Variants in GFRA2 observed in about 807,000 individuals in gnomAD.
The protein encoded by GFRA2 is GDNF family receptor alpha 2, also known as GDNF family receptor alpha-2.
Under a neutral mutation model 48.3 loss-of-function variants are expected in GFRA2, and 17 were observed. The observed-to-expected ratio is 0.35, with a 90% confidence interval of 0.24 to 0.53. GFRA2 has a LOEUF of 0.53. Ranked by LOEUF, GFRA2 falls within the 20% of genes least tolerant of loss-of-function variation. The probability of loss-of-function intolerance (pLI) is 0.93; values close to 1 mark genes in which losing one functional copy is unlikely to be tolerated. For synonymous variants in GFRA2, 305 were observed against 257.2 expected (o/e 1.19, Z -1.78); for missense variants, 660 against 637.3 (o/e 1.04, Z -0.38).
chr8:21,762,879 G>C (rs1232577489), intron 3 of GFRA2, among the ~76,000 whole-genome samples: 1 of 152,076 alleles, frequency 6.6e-6, no homozygotes, highest in Non-Finnish European at 1.5e-5. Context: ...ATGATGAGTT[G>C]GGTTTAATTT....
intron 2 of GFRA2, among the ~76,000 whole-genome samples, chr8:21,799,453 A>G (rs76708834): frequency 0.033 from 5,055 of 152,024 alleles, 148 homozygotes; most frequent in African/African-American, 0.08. Context: ...CCGTTGGCCT[A>G]CCAAAGTGCT....
intron 7 of GFRA2, among the ~76,000 whole-genome samples, chr8:21,697,761 G>A (rs1339692939): frequency 6.6e-6 from 1 of 152,136 alleles, no homozygotes; most frequent in Non-Finnish European, 1.5e-5. Context: ...TGAATCATGG[G>A]CGTGGGTCTC....
chr8:21,806,307 T>C (rs1807865354), intron 1 of GFRA2, among the ~76,000 whole-genome samples: 1 of 152,246 alleles, frequency 6.6e-6, no homozygotes, highest in African/African-American at 2.4e-5. Flanking sequence ...TGTTGTTCAC[T>C]TCCAGAAGAG....
chr8:21,745,144 C>T (rs1050654506), intron 4 of GFRA2, among the ~76,000 whole-genome samples: 1 of 152,196 alleles, frequency 6.6e-6, no homozygotes, highest in Non-Finnish European at 1.5e-5. Flanking sequence ...AAATCTCACA[C>T]GGGTGACGGA....
At chr8:21,725,582 C>A (rs1367864749) in intron 4 of GFRA2, among the ~76,000 whole-genome samples, 1 of 152,222 alleles carries the variant, frequency 6.6e-6, no homozygotes, top group Non-Finnish European at 1.5e-5. Context: ...TAATAACTAA[C>A]AATTTTGAGT....
intron 4 of GFRA2, among the ~76,000 whole-genome samples, chr8:21,720,176 G>C (rs1227431951): frequency 2.6e-5 from 4 of 152,176 alleles, no homozygotes; most frequent in Non-Finnish European, 5.9e-5. Context: ...ATAACGTATG[G>C]AGAAAAGTCA....
intron 4 of GFRA2, among the ~76,000 whole-genome samples, chr8:21,722,260 G>C (rs1190095883): frequency 6.6e-6 from 1 of 152,182 alleles, no homozygotes; most frequent in Non-Finnish European, 1.5e-5. Context: ...ACCTGAGCCA[G>C]AAGCCAGGGA....
intron 4 of GFRA2, among the ~76,000 whole-genome samples, chr8:21,735,665 G>T (rs1804421843): frequency 6.6e-6 from 1 of 152,106 alleles, no homozygotes; most frequent in South Asian, 2.1e-4. Flanking sequence ...TTGTTGTGTT[G>T]TTTTCATTTT....
chr8:21,792,820 T>C (rs1251368450), upstream of GFRA2, among the ~76,000 whole-genome samples: 3 of 152,188 alleles, frequency 2.0e-5, no homozygotes, highest in Non-Finnish European at 2.9e-5. Flanking sequence ...ATCCCAGCAC[T>C]CTGGGAGGCA....
chr8:21,789,331 C>T (rs1807450360), upstream of GFRA2: 2 of 152,552 alleles, frequency 1.3e-5, no homozygotes, highest in Non-Finnish European at 2.9e-5. Flanking sequence ...GGACCGGCTG[C>T]GCCCTCCAAC....
intron 3 of GFRA2, among the ~76,000 whole-genome samples, chr8:21,768,936 A>C (rs1806310355): frequency 6.6e-6 from 1 of 152,160 alleles, no homozygotes; most frequent in African/African-American, 2.4e-5. Context: ...AGGCTTAGCC[A>C]GGCCTCCCAG....
intron 4 of GFRA2, among the ~76,000 whole-genome samples, chr8:21,727,961 C>G (rs993910770): frequency 6.6e-6 from 1 of 152,200 alleles, no homozygotes; most frequent in Non-Finnish European, 1.5e-5. Flanking sequence ...AGGCACACTC[C>G]TTCTACCATA....
At chr8:21,798,489 A>C (rs1807716131) in intron 2 of GFRA2, among the ~76,000 whole-genome samples, 1 of 152,194 alleles carries the variant, frequency 6.6e-6, no homozygotes, top group Admixed American at 6.5e-5. Flanking sequence ...TCATGGAATG[A>C]GCCAGCAAGG....
chr8:21,702,543 G>A (rs908070225), intron 7 of GFRA2, among the ~76,000 whole-genome samples: 16 of 152,194 alleles, frequency 1.1e-4, no homozygotes, highest in African/African-American at 3.6e-4. Context: ...CACCTGCACC[G>A]AGGCTGTGCC....
chr8:21,791,957 C>A (rs947122334), upstream of GFRA2, among the ~76,000 whole-genome samples: 73 of 152,360 alleles, frequency 4.8e-4, no homozygotes, highest in African/African-American at 1.7e-3. Context: ...TCCACACATT[C>A]CGTAGTGCCT....
intron 3 of GFRA2, among the ~76,000 whole-genome samples, chr8:21,759,676 G>A (rs1182186930): frequency 2.6e-5 from 4 of 151,940 alleles, no homozygotes; most frequent in Admixed American, 1.3e-4. Context: ...ATCAGTGAAG[G>A]CCAGGAGTTC....
In GFRA2 at chr8:21,784,719, C is replaced by T. The variant is rs796250194; in HGVS notation, c.41-1820G>A. Among the ~76,000 whole-genome samples, 9 of 152,328 alleles carry T rather than the reference C, an allele frequency of 5.9e-5. No homozygotes were observed. In the South Asian group the frequency reaches 1.9e-3, roughly 32 times the overall value. On this transcript the variant is annotated intron_variant, in intron 1 of 8. Transcript: ENST00000524240. The stretch of plus-strand genomic sequence containing the variant: ...AAAAGACGTGCCCTTCTCCCACTGA[C>T]CAGACCTCTGCCACAGAACAGGAAG...
At chr8:21,783,496 T>C (rs768139704) in intron 1 of GFRA2, among the ~76,000 whole-genome samples, 57 of 152,086 alleles carry the variant, frequency 3.7e-4, no homozygotes, top group Non-Finnish European at 6.6e-4. Flanking sequence ...AGGTCACACA[T>C]AGCGGTGGAA....
chr8:21,780,538 C>G (rs1806930369), intron 2 of GFRA2, among the ~76,000 whole-genome samples: 1 of 152,160 alleles, frequency 6.6e-6, no homozygotes, highest in Non-Finnish European at 1.5e-5. Flanking sequence ...GCCCTGGTTT[C>G]TACCTGCAGG....
Sources: gnomAD v4.1 joint callset for allele counts (sites outside exome capture counted in the v4.1 genomes callset) on GRCh38, gnomAD v4.1.1 for gene constraint, MANE v1.5 for transcripts, NCBI Gene and HGNC (gene_info 2026-07-23, HGNC 2026-07-21) for gene names.